Variants in TLN2 observed in about 807,000 individuals in gnomAD.
TLN2 encodes the protein talin 2.
In TLN2, 118 loss-of-function variants were observed where a neutral mutation model predicts 294.7. The ratio of observed to expected loss-of-function variants is 0.40; its 90% confidence interval spans 0.34 to 0.47. The LOEUF (loss-of-function observed/expected upper bound fraction) is 0.47, where lower values mean the gene tolerates loss of function less well. Among genes scored for constraint, TLN2 ranks in the 20% least tolerant of loss-of-function variants. The probability of loss-of-function intolerance (pLI) is 0.84; values close to 1 mark genes in which losing one functional copy is unlikely to be tolerated. For synonymous variants in TLN2, 1,431 were observed against 1,304.5 expected (o/e 1.10, Z -2.09); for missense variants, 3,083 against 3,282.2 (o/e 0.94, Z 1.48).
intron 46 of TLN2, among the ~76,000 whole-genome samples, chr15:62,794,383 G>A (rs866389709): frequency 6.6e-6 from 1 of 152,160 alleles, no homozygotes; most frequent in Non-Finnish European, 1.5e-5. Flanking sequence ...GTCTGCCTTT[G>A]TGTCCTCAGA....
intron 22 of TLN2, among the ~76,000 whole-genome samples, chr15:62,712,985 G>C (rs140142520): frequency 0.011 from 1,573 of 140,626 alleles, 34 homozygotes; most frequent in African/African-American, 0.048. Flanking sequence ...GATTCATTAA[G>C]GCCAGGCACG....
chr15:62,810,894 G>A (rs965921857), intron 52 of TLN2, among the ~76,000 whole-genome samples: 9 of 152,184 alleles, frequency 5.9e-5, no homozygotes, highest in Non-Finnish European at 8.8e-5. Context: ...GCCACCTTTA[G>A]ATACATAATT....
chr15:62,809,944 A>G lies in TLN2; in HGVS notation c.6683A>G (p.Asp2228Gly), dbSNP rs1180789702. ...TACKQASFHP[D>G]VSDEVRTRAL... The stretch of plus-strand genomic sequence containing the variant: ...CTCCAGCAAGCATCCTTCCACCCCG[A>G]TGTCAGTGACGAGGTGAGAACCAGA... Residue 2228 changes from aspartate (D) to glycine (G), a missense_variant, in exon 52 of 59, where the codon GAT becomes GGT. Transcript: ENST00000636159. 2.2e-5 allele frequency: 36 copies of G among 1,613,958 alleles called. No homozygotes were observed. Among genetic ancestry groups the G allele is most frequent in the Non-Finnish European group, 2.8e-5 (33 of 1,180,030 alleles).
At chr15:62,716,232 G>A in intron 22 of TLN2, 99 bp from the exon 23 acceptor site, 1 of 1,298,560 alleles carries the variant, frequency 7.7e-7, no homozygotes, top group Non-Finnish European at 1.0e-6. Context: ...GACTATCCTT[G>A]CAAATGCTTT....
intron 57 of TLN2, 43 bp downstream of exon 57, chr15:62,836,116 C>A (rs200933473): frequency 1.3e-6 from 2 of 1,561,270 alleles, no homozygotes; most frequent in Non-Finnish European, 1.7e-6. Context: ...CCTGTTGGAG[C>A]GGGTAAGTGT....
chr15:62,731,240 C>G (rs1258697701), intron 28 of TLN2, among the ~76,000 whole-genome samples: 2 of 151,554 alleles, frequency 1.3e-5, no homozygotes, highest in African/African-American at 4.8e-5. Flanking sequence ...AATCCAGTAT[C>G]CTAATATCTG....
At chr15:62,541,371 T>G (rs566914610) in intron 1 of TLN2, among the ~76,000 whole-genome samples, 32 of 152,348 alleles carry the variant, frequency 2.1e-4, no homozygotes, top group African/African-American at 7.5e-4. Context: ...TTCTGTTATT[T>G]CTTGCTCTCG....
chr15:62,457,066 G>A (rs1436866094), intron 1 of TLN2, among the ~76,000 whole-genome samples: 2 of 152,196 alleles, frequency 1.3e-5, no homozygotes, highest in African/African-American at 4.8e-5. Flanking sequence ...ATCTCCCTGG[G>A]GAAGGTATTA....
chr15:62,533,164 G>A (rs915923392), intron 1 of TLN2, among the ~76,000 whole-genome samples: 2 of 146,562 alleles, frequency 1.4e-5, no homozygotes, highest in Non-Finnish European at 3.0e-5. Flanking sequence ...TGAAGCAGGA[G>A]AATCGCTTGA....
intron 1 of TLN2, among the ~76,000 whole-genome samples, chr15:62,526,821 C>T (rs1023455034): frequency 6.6e-6 from 1 of 152,108 alleles, no homozygotes; most frequent in East Asian, 1.9e-4. Context: ...GATGCCAGCC[C>T]CTGTTCTCAG....
intron 3 of TLN2, among the ~76,000 whole-genome samples, chr15:62,636,133 G>A (rs1411350613): frequency 6.6e-6 from 1 of 152,134 alleles, no homozygotes. Context: ...AAAAATATAT[G>A]TATGTATTAG....
At chr15:62,460,951 T>G (rs2036768005) in intron 1 of TLN2, among the ~76,000 whole-genome samples, 1 of 151,860 alleles carries the variant, frequency 6.6e-6, no homozygotes, top group African/African-American at 2.4e-5. Context: ...TTATTTTATT[T>G]TATTTTATTT....
At chr15:62,761,369 T>C (rs981787782) in intron 37 of TLN2, among the ~76,000 whole-genome samples, 1 of 152,190 alleles carries the variant, frequency 6.6e-6, no homozygotes, top group Admixed American at 6.5e-5. Context: ...CATAGTCTGG[T>C]GCAGGGGGTC....
chr15:62,736,960 C>T lies in TLN2; in HGVS notation c.3441C>T (p.Pro1147=), dbSNP rs772544952. The T allele has an allele frequency of 2.0e-5, 33 of 1,614,188 alleles. No individual in the cohort carries two copies. Among genetic ancestry groups the T allele is most frequent in the Admixed American group, 1.7e-4 (10 of 60,036 alleles). The change falls in exon 29 of 59, where the codon CCC becomes CCT. Residue 1147 remains proline, a synonymous_variant. Coordinates refer to ENST00000636159, the MANE Select transcript of TLN2 (RefSeq NM_015059.3). ...ARGVAASTTD[P]AAAHAMLDSA... Reference sequence around the variant, plus strand: ...GAGTGGCTGCATCGACAACCGACCCCGCGGCCGCCCATGCCATGTTAGATT... The same window carrying T: ...GAGTGGCTGCATCGACAACCGACCCTGCGGCCGCCCATGCCATGTTAGATT...
chr15:62,837,747 C>G (rs992756125), intron 57 of TLN2, among the ~76,000 whole-genome samples: 2 of 152,168 alleles, frequency 1.3e-5, no homozygotes, highest in African/African-American at 4.8e-5. Flanking sequence ...CTCATAAACC[C>G]TTTGGCAAAT....
chr15:62,572,530 CT>C (rs1198270500), intron 1 of TLN2, among the ~76,000 whole-genome samples: 2 of 152,258 alleles, frequency 1.3e-5, no homozygotes, highest in African/African-American at 2.4e-5. Flanking sequence ...ACAGGGCAGC[CT>C]TTTTTTCCCC....
chr15:62,831,122 T>C (rs2068797450), intron 54 of TLN2: 1 of 151,740 alleles, frequency 6.6e-6, no homozygotes, highest in Non-Finnish European at 1.5e-5. Flanking sequence ...TCCTATCAGA[T>C]CTACCCCTGC....
At chr15:62,751,927 G>A (rs1429798813) in intron 34 of TLN2, among the ~76,000 whole-genome samples, 2 of 152,180 alleles carry the variant, frequency 1.3e-5, no homozygotes, top group South Asian at 4.1e-4. Flanking sequence ...ATATCTGGAA[G>A]GGTGAGTATC....
intron 1 of TLN2, among the ~76,000 whole-genome samples, chr15:62,557,703 G>A (rs532857823): frequency 2.6e-4 from 39 of 152,120 alleles, no homozygotes; most frequent in African/African-American, 8.7e-4. Flanking sequence ...CACCACACCC[G>A]GCTAATTTTT....
Sources: allele counts gnomAD v4.1 joint callset (sites outside exome capture counted in the v4.1 genomes callset), GRCh38; gene constraint gnomAD v4.1.1; transcripts MANE v1.5; gene names NCBI Gene and HGNC (gene_info 2026-07-23, HGNC 2026-07-21).